Variants in MAGI2 observed in about 807,000 individuals in gnomAD.
MAGI2 encodes the protein membrane-associated guanylate kinase, WW and PDZ domain-containing protein 2.
A neutral mutation model predicts 133.3 loss-of-function variants in MAGI2; 35 were observed. The observed-to-expected ratio is 0.26, with a 90% CI of 0.20 to 0.35. The LOEUF is 0.35. MAGI2 is among the 10% of genes least tolerant of loss of function. The probability of loss-of-function intolerance (pLI) is 1.00; values close to 1 mark genes in which losing one functional copy is unlikely to be tolerated. For missense variants in MAGI2, 1,636 were observed against 1,863.4 expected (o/e 0.88, Z 2.25); for synonymous variants, 729 against 710.6 (o/e 1.03, Z -0.41).
intron 1 of MAGI2, among the ~76,000 whole-genome samples, chr7:79,245,183 A>G (rs1019852418): frequency 1.2e-4 from 19 of 152,202 alleles, no homozygotes; most frequent in East Asian, 1.2e-3. Flanking sequence ...GACTTCAGGT[A>G]TGACCTGACA....
chr7:78,017,276 A>C lies in MAGI2; in HGVS notation c.*2039T>G. ...TAAATTCACAGCTAACACTACACAA[A>C]TATTATTTGGAATGGGATTTAGATG... On this transcript the variant is annotated 3_prime_UTR_variant, in exon 22 of 22. Transcript: ENST00000354212. 6.5e-6 allele frequency: 1 copy of C among 152,758 alleles called. No homozygotes were observed. Among genetic ancestry groups the C allele is most frequent in the South Asian group, 2.1e-4 (1 of 4,822 alleles). The allele number at this position is 152,758 out of a possible 1,614,324, so 9.5% of individuals were successfully genotyped here.
At chr7:79,452,894 C>T (rs1361413044) in intron 1 of MAGI2, 126 bp downstream of exon 1, 4 of 1,038,262 alleles carry the variant, frequency 3.9e-6, no homozygotes, top group Non-Finnish European at 2.7e-6. Context: ...ACTGCGGGTG[C>T]TCTCTGGCCC....
chr7:78,243,462 C>G (rs935832109), intron 10 of MAGI2, among the ~76,000 whole-genome samples: 2 of 152,118 alleles, frequency 1.3e-5, no homozygotes, highest in Admixed American at 6.6e-5. Flanking sequence ...AATGTTTTAT[C>G]TGTGCAGTTT....
chr7:78,577,974 T>A (rs557276645), intron 3 of MAGI2, among the ~76,000 whole-genome samples: 1 of 151,936 alleles, frequency 6.6e-6, no homozygotes, highest in Non-Finnish European at 1.5e-5. Flanking sequence ...AGAGGAGATA[T>A]TTTTATCCTT....
intron 10 of MAGI2, among the ~76,000 whole-genome samples, chr7:78,217,034 A>G (rs570619522): frequency 1.1e-4 from 16 of 152,284 alleles, no homozygotes; most frequent in South Asian, 8.3e-4. Context: ...GGCATCTCCA[A>G]TGTTCTCCTT....
At chr7:79,251,082 C>A (rs1833219840) in intron 1 of MAGI2, among the ~76,000 whole-genome samples, 1 of 152,010 alleles carries the variant, frequency 6.6e-6, no homozygotes, top group Admixed American at 6.5e-5. Context: ...TATACAAAAG[C>A]AAATCAAAAT....
At chr7:79,129,117 T>C (rs2129545208) in intron 1 of MAGI2, among the ~76,000 whole-genome samples, 1 of 152,236 alleles carries the variant, frequency 6.6e-6, no homozygotes, top group East Asian at 1.9e-4. Flanking sequence ...GTGATCCACC[T>C]GTGGCCTCCA....
intron 2 of MAGI2, among the ~76,000 whole-genome samples, chr7:78,964,685 C>T (rs1337392351): frequency 1.3e-5 from 2 of 151,902 alleles, no homozygotes; most frequent in African/African-American, 4.8e-5. Flanking sequence ...TTTTTAGTAT[C>T]TTGTTGATCA....
At chr7:78,796,645 A>C (rs1036994052) in intron 2 of MAGI2, among the ~76,000 whole-genome samples, 3 of 152,166 alleles carry the variant, frequency 2.0e-5, no homozygotes, top group African/African-American at 7.2e-5. Flanking sequence ...TATTCAAAAG[A>C]AAGGTAATCA....
intron 1 of MAGI2, among the ~76,000 whole-genome samples, chr7:79,390,920 A>G (rs989006806): frequency 1.3e-5 from 2 of 152,168 alleles, no homozygotes; most frequent in African/African-American, 4.8e-5. Flanking sequence ...GTCCCCAGCC[A>G]TCATCTGTGT....
At chr7:78,312,686 C>G (rs1157225731) in intron 9 of MAGI2, among the ~76,000 whole-genome samples, 1 of 152,048 alleles carries the variant, frequency 6.6e-6, no homozygotes, top group Non-Finnish European at 1.5e-5. Flanking sequence ...TTATACACTG[C>G]TGGTGGGAAT....
chr7:78,115,191 T>C (rs577833584), intron 20 of MAGI2, among the ~76,000 whole-genome samples: 14 of 152,242 alleles, frequency 9.2e-5, no homozygotes, highest in African/African-American at 3.4e-4. Context: ...TCCATTTTGA[T>C]GACTAGGCAA....
intron 1 of MAGI2, among the ~76,000 whole-genome samples, chr7:79,252,818 A>G (rs924939399): frequency 4.6e-5 from 7 of 152,190 alleles, no homozygotes; most frequent in Non-Finnish European, 1.0e-4. Flanking sequence ...TTTTAAGAGG[A>G]CTAAAAATCA....
intron 17 of MAGI2, chr7:78,134,799 T>C (rs761097361): frequency 8.4e-6 from 4 of 477,740 alleles, no homozygotes; most frequent in African/African-American, 3.9e-5. Context: ...CAATGTCACA[T>C]AGCTTGACCT....
At chr7:79,001,021 A>G (rs988911332) in intron 2 of MAGI2, among the ~76,000 whole-genome samples, 3 of 152,134 alleles carry the variant, frequency 2.0e-5, no homozygotes, top group Admixed American at 6.6e-5. Context: ...GGTTCAAGCA[A>G]TTCTCCTGCC....
chr7:78,213,507 G>A (rs1787971382), intron 10 of MAGI2, among the ~76,000 whole-genome samples: 2 of 152,164 alleles, frequency 1.3e-5, no homozygotes, highest in South Asian at 2.1e-4. Context: ...CTTCTGTTAA[G>A]TTTAGCCTAA....
At chr7:78,104,790 C>A (rs1583918049) in intron 20 of MAGI2, among the ~76,000 whole-genome samples, 2 of 152,174 alleles carry the variant, frequency 1.3e-5, no homozygotes. Context: ...TCTCCCACTC[C>A]CACCTCCTTT....
intron 7 of MAGI2, among the ~76,000 whole-genome samples, chr7:78,352,695 G>T (rs922301286): frequency 6.6e-6 from 1 of 152,116 alleles, no homozygotes; most frequent in Non-Finnish European, 1.5e-5. Context: ...CCACATATTG[G>T]CACTGAAACT....
chr7:78,884,331 A>C (rs1796103917), intron 2 of MAGI2, among the ~76,000 whole-genome samples: 1 of 152,068 alleles, frequency 6.6e-6, no homozygotes, highest in African/African-American at 2.4e-5. Flanking sequence ...AAAAAATAAA[A>C]AAATTAGCCA....
Sources: allele counts gnomAD v4.1 joint callset (sites outside exome capture counted in the v4.1 genomes callset), GRCh38; gene constraint gnomAD v4.1.1; transcripts MANE v1.5; gene names NCBI Gene and HGNC (gene_info 2026-07-23, HGNC 2026-07-21).